Variants in CPS1 observed in about 807,000 individuals in gnomAD.
CPS1 encodes carbamoyl-phosphate synthase 1.
Under a neutral mutation model 174.6 loss-of-function variants are expected in CPS1, and 109 were observed. The ratio of observed to expected loss-of-function variants is 0.62; its 90% CI spans 0.53 to 0.73. CPS1 has a LOEUF of 0.73. CPS1 is among the 30% of genes least tolerant of loss of function. The probability of loss-of-function intolerance (pLI) is 0.00; values close to 1 mark genes in which losing one functional copy is unlikely to be tolerated. For missense variants in CPS1, 1,689 were observed against 1,821.9 expected (o/e 0.93, Z 1.33); for synonymous variants, 637 against 632.0 (o/e 1.01, Z -0.12).
At chr2:210,552,664 G>A (rs1696761440), upstream of CPS1, among the ~76,000 whole-genome samples, 1 of 151,264 alleles carries the variant, frequency 6.6e-6, no homozygotes, top group Non-Finnish European at 1.5e-5. Context: ...GTCTTCCCTT[G>A]CTTATGTCAG....
chr2:210,542,521 C>T (rs901003976), intron 1 of CPS1, among the ~76,000 whole-genome samples: 1 of 152,080 alleles, frequency 6.6e-6, no homozygotes, highest in African/African-American at 2.4e-5. Context: ...TCCTCCTACC[C>T]TCCTGTTAAA....
chr2:210,660,445 C>G lies in CPS1; in HGVS notation c.3757-40C>G, dbSNP rs776507099. On this transcript the variant is annotated intron_variant, in intron 31 of 37. Coordinates refer to ENST00000233072, the MANE Select transcript of CPS1 (RefSeq NM_001875.5). ...AATATTAATATTGTTGTTACTGGCT[C>G]TCAATGTCCTCTTTCTCATTTTGAA... is the stretch of plus-strand genomic sequence containing the variant. 3.8e-6 allele frequency: 6 copies of G among 1,593,692 alleles called. No homozygotes were observed. In the African/African-American group the frequency reaches 8.1e-5, roughly 21 times the overall value.
intron 21 of CPS1, among the ~76,000 whole-genome samples, chr2:210,622,440 G>T (rs1347210982): frequency 6.6e-6 from 1 of 151,678 alleles, no homozygotes; most frequent in Non-Finnish European, 1.5e-5. Flanking sequence ...GATTTGTTTA[G>T]AGGTGTAGAT....
chr2:210,555,486 T>A (rs761683728), upstream of CPS1, among the ~76,000 whole-genome samples: 6 of 152,078 alleles, frequency 3.9e-5, no homozygotes, highest in African/African-American at 4.8e-5. Context: ...CACTTTGAAA[T>A]CAAATACTGT....
intron 1 of CPS1, among the ~76,000 whole-genome samples, chr2:210,548,712 ATCT>A (rs1696628889): frequency 6.6e-6 from 1 of 151,670 alleles, no homozygotes; most frequent in African/African-American, 2.4e-5. Flanking sequence ...CAGATCACTA[ATCT>A]TCTCCAACAA....
At chr2:210,672,481 A>G (rs565954999) in intron 34 of CPS1, 1 of 152,316 alleles carries the variant, frequency 6.6e-6, no homozygotes, top group African/African-American at 2.4e-5. Flanking sequence ...TGGACATTTC[A>G]TATATATTTG....
chr2:210,671,966 A>G (rs1184583810), intron 34 of CPS1: 1 of 152,124 alleles, frequency 6.6e-6, no homozygotes, highest in African/African-American at 2.4e-5. Flanking sequence ...TTGACTTCAT[A>G]TTACACAATG....
rs761271604 is a variant in CPS1 at position 210,656,633 on chromosome 2, G to T, written c.3666+1G>T. Reference sequence around the variant, plus strand: ...CATCAGCCAAGGGGCCATTGAAAAGGTCATCATTTATAAATAAAAGTGGAA... The same window carrying T: ...CATCAGCCAAGGGGCCATTGAAAAGTTCATCATTTATAAATAAAAGTGGAA... On this transcript the variant is annotated splice_donor_variant, in intron 30 of 37. Coordinates refer to ENST00000233072, the MANE Select transcript of CPS1 (RefSeq NM_001875.5). LOFTEE classifies it high-confidence loss of function. The T allele has an allele frequency of 6.2e-7, 1 of 1,607,718 alleles. No individual in the cohort carries two copies. The highest frequency in any genetic ancestry group is 8.5e-7 in the Non-Finnish European group (1 of 1,175,418).
chr2:210,603,949 A>G (rs148829802), intron 16 of CPS1, among the ~76,000 whole-genome samples: 1 of 151,958 alleles, frequency 6.6e-6, no homozygotes, highest in Non-Finnish European at 1.5e-5. Flanking sequence ...CTGAGGAAAC[A>G]GGTGAAGATA....
chr2:210,579,075 T>C (rs1018795924), intron 4 of CPS1, among the ~76,000 whole-genome samples: 13 of 152,122 alleles, frequency 8.5e-5, no homozygotes, highest in African/African-American at 2.4e-4. Flanking sequence ...TCTCAGATAA[T>C]TAGTGGAAGA....
chr2:210,586,489 C>G (rs908442635), intron 6 of CPS1, among the ~76,000 whole-genome samples: 1 of 152,008 alleles, frequency 6.6e-6, no homozygotes, highest in Non-Finnish European at 1.5e-5. Context: ...TTTAGTCTAG[C>G]ATTTCCTAAA....
At position 210,556,657 on chromosome 2, in the gene CPS1, C is replaced by A; in HGVS notation, c.-77C>A. The A allele has an allele frequency of 6.3e-7, 1 of 1,594,048 alleles. No homozygotes were observed. Among genetic ancestry groups the A allele is most frequent in the South Asian group, 1.1e-5 (1 of 88,618 alleles). On this transcript the variant is annotated 5_prime_UTR_variant, in exon 1 of 38. Coordinates refer to ENST00000233072, the MANE Select transcript of CPS1 (RefSeq NM_001875.5). ...CTGCACCCCTCCCAGATTTCTTTTACATTAACTAAAAAGTCTTATCACACA... is the reference window on the plus strand; with the variant it reads ...CTGCACCCCTCCCAGATTTCTTTTAAATTAACTAAAAAGTCTTATCACACA...
chr2:210,577,191 C>G (rs1697740644), intron 3 of CPS1: 1 of 562,358 alleles, frequency 1.8e-6, no homozygotes, highest in African/African-American at 1.9e-5. Flanking sequence ...CTAGTTTAGT[C>G]TCAGGATTTA....
intron 33 of CPS1, among the ~76,000 whole-genome samples, chr2:210,666,072 G>A (rs954990885): frequency 6.6e-6 from 1 of 151,750 alleles, no homozygotes; most frequent in Non-Finnish European, 1.5e-5. Flanking sequence ...TTCTCTGATG[G>A]CCAGTGATGA....
At chr2:210,624,593 G>T (rs748750298) in intron 21 of CPS1, among the ~76,000 whole-genome samples, 3 of 151,906 alleles carry the variant, frequency 2.0e-5, no homozygotes, top group Non-Finnish European at 4.4e-5. Context: ...GGATATTTTA[G>T]GTGATGTCAT....
chr2:210,577,596 A>G (rs1027240173), intron 4 of CPS1, 86 bp downstream of exon 4: 4 of 963,744 alleles, frequency 4.2e-6, no homozygotes, highest in Non-Finnish European at 6.8e-6. Flanking sequence ...CAGACAGAGG[A>G]AGATCATGTA....
Position 210,587,776 on chromosome 2 carries a change from G to T in CPS1, c.622-282G>T, listed in dbSNP as rs959519685. On this transcript the variant is annotated intron_variant, in intron 6 of 37. Transcript: ENST00000233072. ...AATGAGGCAAAACATGAGAAAGATGGTTAACTATGCATGCAACCAGTTTCT... is the reference window on the plus strand; with the variant it reads ...AATGAGGCAAAACATGAGAAAGATGTTTAACTATGCATGCAACCAGTTTCT... Among the ~76,000 whole-genome samples the T allele has an allele frequency of 3.9e-5, 6 of 152,160 alleles. No individual in the cohort carries two copies. The East Asian group carries it at 1.2e-3, about 30-fold the overall frequency.
intron 34 of CPS1, among the ~76,000 whole-genome samples, chr2:210,670,762 C>G (rs1701274014): frequency 6.6e-6 from 1 of 152,120 alleles, no homozygotes; most frequent in Non-Finnish European, 1.5e-5. Flanking sequence ...AATTTCTTCT[C>G]TCTTTCCCAC....
At chr2:210,662,282 T>G (rs1450254302) in intron 32 of CPS1, among the ~76,000 whole-genome samples, 2 of 152,196 alleles carry the variant, frequency 1.3e-5, no homozygotes, top group Non-Finnish European at 2.9e-5. Context: ...TTTTTCAAAT[T>G]ACTTAGTAAT....
Sources: gnomAD v4.1 joint callset for allele counts (sites outside exome capture counted in the v4.1 genomes callset) on GRCh38, gnomAD v4.1.1 for gene constraint, MANE v1.5 for transcripts, NCBI Gene and HGNC (gene_info 2026-07-23, HGNC 2026-07-21) for gene names.